ABCG8: variants seen among roughly 807,000 people sequenced by gnomAD.
The protein encoded by ABCG8 is ATP binding cassette subfamily G member 8.
ABCG8 carries 81 observed loss-of-function variants against 71.3 expected under a neutral mutation model. That is an observed-to-expected ratio of 1.14 (90% CI 0.95 to 1.37). The LOEUF is 1.37. Ranked by LOEUF, ABCG8 falls within the 40% of genes most tolerant of loss-of-function variation. The pLI, the probability that ABCG8 is intolerant of heterozygous loss-of-function variation, is 0.00. For missense variants in ABCG8, 1,119 were observed against 866.2 expected, an observed-to-expected ratio of 1.29 and a Z score of -3.66; for synonymous variants, 451 against 354.7, an observed-to-expected ratio of 1.27 and a Z score of -3.05.
rs536321546 is a variant in ABCG8 at position 43,851,897 on chromosome 2, C to T, written c.561+75C>T. 395 of 1,527,188 alleles carry T rather than the reference C, an allele frequency of 2.6e-4. 1 individual carries two copies. The highest frequency in any genetic ancestry group is 3.3e-4 in the Non-Finnish European group (371 of 1,109,530). 94.6% of individuals were successfully genotyped at this position (1,527,188 alleles called of 1,614,324 possible). On this transcript the variant is annotated intron_variant, in intron 4 of 12. Coordinates refer to ENST00000272286, the MANE Select transcript of ABCG8 (RefSeq NM_022437.3). ...TCCATGCCCCGCTCCTCCCCTGCTG[C>T]CTTGCCTCAGGACCCAGCCGCAGGT...
chr2:43,869,738 G>T (rs1236943396), intron 6 of ABCG8, among the ~76,000 whole-genome samples: 1 of 151,796 alleles, frequency 6.6e-6, no homozygotes, highest in East Asian at 1.9e-4. Context: ...TCACCATCTG[G>T]ATAGAAGTGT....
chr2:43,866,323 A>G (rs1669531337), intron 6 of ABCG8, among the ~76,000 whole-genome samples: 1 of 151,932 alleles, frequency 6.6e-6, no homozygotes, highest in Non-Finnish European at 1.5e-5. Flanking sequence ...AGCAATGGCA[A>G]CAAAAGCCAA....
At position 43,873,896 on chromosome 2, in the gene ABCG8, A is replaced by G. The variant is rs769421158; in HGVS notation, c.1321A>G (p.Ile441Val). 2 of 1,614,080 alleles carry G rather than the reference A, an allele frequency of 1.2e-6. No individual in the cohort carries two copies. Among genetic ancestry groups the G allele is most frequent in the East Asian group, 4.5e-5 (2 of 44,876 alleles). ...IGFLYFGHGS[I>V]QLSFMDTAAL... ...CTTCCTCTATTTTGGCCATGGGAGC[A>G]TCCAGCTCTCCTTCATGGATACAGC... is the stretch of plus-strand genomic sequence containing the variant. Residue 441 changes from isoleucine to valine, a missense_variant, in exon 9 of 13, where the codon ATC becomes GTC. Coordinates refer to ENST00000272286, the MANE Select transcript of ABCG8 (RefSeq NM_022437.3).
In ABCG8 at chr2:43,877,887, A is replaced by C; in HGVS notation, c.1996A>C (p.Lys666Gln). 1 of 1,614,076 alleles carries C rather than the reference A, an allele frequency of 6.2e-7. No homozygotes were observed. The highest frequency in any genetic ancestry group is 1.1e-5 in the South Asian group (1 of 91,074). The change falls in exon 13 of 13, where the codon AAA (lysine) becomes CAA (glutamine). Residue 666 changes from lysine (K) to glutamine (Q), a missense_variant. Transcript: ENST00000272286. Reference sequence around the variant, plus strand: ...GTACTACGTGTCCTTAAGGTTCATCAAACAGAAACCAAGTCAAGACTGGTG... The same window carrying C: ...GTACTACGTGTCCTTAAGGTTCATCCAACAGAAACCAAGTCAAGACTGGTG... ...VLYYVSLRFI[K>Q]QKPSQDW
At chr2:43,843,362 T>C (rs1295521734) in intron 1 of ABCG8, among the ~76,000 whole-genome samples, 1 of 152,182 alleles carries the variant, frequency 6.6e-6, no homozygotes, top group Non-Finnish European at 1.5e-5. Flanking sequence ...TACTTGTTCC[T>C]GCCTGACAGA....
intron 6 of ABCG8, among the ~76,000 whole-genome samples, chr2:43,856,456 C>T (rs1669111032): frequency 6.6e-6 from 1 of 151,742 alleles, no homozygotes; most frequent in Non-Finnish European, 1.5e-5. Context: ...CTGGATAGAA[C>T]TCTCACTATC....
intron 1 of ABCG8, among the ~76,000 whole-genome samples, chr2:43,840,588 A>G (rs1219019042): frequency 1.3e-5 from 2 of 152,238 alleles, no homozygotes; most frequent in Non-Finnish European, 2.9e-5. Context: ...GTCTAGATAT[A>G]TAAAAGTCAT....
rs781662653 is a variant in ABCG8 at position 43,872,071 on chromosome 2, C to A, written c.1060C>A (p.Arg354Ser). Residue 354 changes from arginine (R) to serine (S), a missense_variant, in exon 7 of 13, where the codon CGT becomes AGT. Transcript: ENST00000272286. ...SLAALFLEKV[R>S]DLDDFLWKAE... is the part of the protein sequence containing the mutation. Reference sequence around the variant, plus strand: ...CGCAGCCCTGTTTCTAGAAAAAGTGCGTGACTTAGATGACTTTCTATGGAA... The same window carrying A: ...CGCAGCCCTGTTTCTAGAAAAAGTGAGTGACTTAGATGACTTTCTATGGAA... 6.2e-7 allele frequency: 1 copy of A among 1,614,102 alleles called. No individual in the cohort carries two copies. The highest frequency in any genetic ancestry group is 8.5e-7 in the Non-Finnish European group (1 of 1,180,036).
At chr2:43,848,399 C>A (rs141331299) in intron 3 of ABCG8, 2 of 152,252 alleles carry the variant, frequency 1.3e-5, no homozygotes, top group East Asian at 3.9e-4. Context: ...CAGTCGGTAG[C>A]CTGTGATTGG....
intron 6 of ABCG8, among the ~76,000 whole-genome samples, chr2:43,864,868 A>C (rs79081783): frequency 7.3e-6 from 1 of 136,676 alleles, no homozygotes; most frequent in African/African-American, 2.8e-5. Flanking sequence ...GTCTATCTGG[A>C]CGGAATTCTC....
chr2:43,878,223 A>G lies in ABCG8; in HGVS notation c.*310A>G. ...ATTTATATAGGCAACTCGATATAGG[A>G]TGGGAGCAAACTAGGAATGAATTGG... is the stretch of plus-strand genomic sequence containing the variant. On this transcript the variant is annotated 3_prime_UTR_variant, in exon 13 of 13. Coordinates refer to ENST00000272286, the MANE Select transcript of ABCG8 (RefSeq NM_022437.3). The G allele has an allele frequency of 2.5e-6, 1 of 400,994 alleles. No homozygotes were observed. Among genetic ancestry groups the G allele is most frequent in the South Asian group, 2.1e-5 (1 of 47,812 alleles). The allele number at this position is 400,994 out of a possible 1,614,324, so 24.8% of individuals were successfully genotyped here.
chr2:43,854,729 G>A (rs1258498916), intron 6 of ABCG8, among the ~76,000 whole-genome samples: 6 of 152,052 alleles, frequency 3.9e-5, no homozygotes, highest in African/African-American at 1.2e-4. Context: ...TGAAGGGAGG[G>A]TGGGCAGGCA....
rs934287209 is a variant in ABCG8, at chr2:43,873,959, A to C, written c.1384A>C (p.Asn462His). 6 of 1,614,048 alleles carry C rather than the reference A, an allele frequency of 3.7e-6. No individual in the cohort carries two copies. Among genetic ancestry groups the C allele is most frequent in the Non-Finnish European group, 5.1e-6 (6 of 1,180,018 alleles). The change falls in exon 9 of 13, where the codon AAC becomes CAC. Residue 462 changes from asparagine to histidine, a missense_variant. By Grantham distance (68) the Asn-to-His change is moderately conservative (BLOSUM62 1). Transcript: ENST00000272286. ...CATGATCGGTGCTCTCATCCCTTTCAACGTCATTCTGGATGTCATCTCCAA... is the reference window on the plus strand; with the variant it reads ...CATGATCGGTGCTCTCATCCCTTTCCACGTCATTCTGGATGTCATCTCCAA... ...LFMIGALIPF[N>H]VILDVISKCY...
At chr2:43,853,997 C>A (rs1669014846) in intron 6 of ABCG8, among the ~76,000 whole-genome samples, 2 of 152,228 alleles carry the variant, frequency 1.3e-5, no homozygotes, top group Admixed American at 1.3e-4. Context: ...GTGTGTCATC[C>A]TCAGGCCAGC....
In ABCG8 at chr2:43,879,402, A is replaced by T. The variant is rs2954802; in HGVS notation, c.*1489A>T. Reference sequence around the variant, plus strand: ...ATCCCTGGGCCAGCAGAATGGGCACAGCTGGAGCTGATTGGATAGGTCCCA... The same window carrying T: ...ATCCCTGGGCCAGCAGAATGGGCACTGCTGGAGCTGATTGGATAGGTCCCA... On this transcript the variant is annotated 3_prime_UTR_variant, in exon 13 of 13. Coordinates refer to ENST00000272286, the MANE Select transcript of ABCG8 (RefSeq NM_022437.3). 8,524 of 152,362 alleles carry T rather than the reference A, an allele frequency of 0.056. 616 individuals are homozygous for T. Among genetic ancestry groups the T allele is most frequent in the East Asian group, 0.32 (1,673 of 5,176 alleles). 9.4% of individuals were successfully genotyped at this position (152,362 alleles called of 1,614,324 possible). A position where few individuals can be genotyped will look rare whatever the true frequency, so the allele number is the denominator to read the frequency against.
At chr2:43,846,451 G>C (rs755956574) in intron 3 of ABCG8, 140 bp downstream of exon 3, 43 of 1,268,008 alleles carry the variant, frequency 3.4e-5, no homozygotes, top group Non-Finnish European at 4.7e-5. Context: ...ACAGGTTCTG[G>C]GTCAGACAGA....
rs1374156723 is a variant in ABCG8, at chr2:43,843,701, C to T, written c.64-806C>T. Among the ~76,000 whole-genome samples the T allele has an allele frequency of 5.9e-5, 9 of 152,102 alleles. 2 individuals are homozygous for T. The highest frequency in any genetic ancestry group is 3.9e-4 in the Admixed American group (6 of 15,272). On this transcript the variant is annotated intron_variant, in intron 1 of 12. Coordinates refer to ENST00000272286, the MANE Select transcript of ABCG8 (RefSeq NM_022437.3). ...CTTCCTGTTGCTTCTTTGTTTGGGCCTCAATGGTTTAAATGATTGAATTGT... is the reference window on the plus strand; with the variant it reads ...CTTCCTGTTGCTTCTTTGTTTGGGCTTCAATGGTTTAAATGATTGAATTGT...
At position 43,873,862 on chromosome 2, in the gene ABCG8, G is replaced by T. The variant is rs1242656141; in HGVS notation, c.1287G>T (p.Met429Ile). The change falls in exon 9 of 13, where the codon ATG (methionine) becomes ATT (isoleucine). Residue 429 changes from methionine (M) to isoleucine (I), a missense_variant. Coordinates refer to ENST00000272286, the MANE Select transcript of ABCG8 (RefSeq NM_022437.3). ...GGGCGGAGGCCTGTCTGATGTCAATGACCATCGGCTTCCTCTATTTTGGCC... is the reference window on the plus strand; with the variant it reads ...GGGCGGAGGCCTGTCTGATGTCAATTACCATCGGCTTCCTCTATTTTGGCC... Reference protein sequence around the residue: ...IHGAEACLMSMTIGFLYFGHG... With the variant: ...IHGAEACLMSITIGFLYFGHG... 1 of 1,614,016 alleles carries T rather than the reference G, an allele frequency of 6.2e-7. No homozygotes were observed. Among genetic ancestry groups the T allele is most frequent in the African/African-American group, 1.3e-5 (1 of 74,972 alleles).
Position 43,872,443 on chromosome 2 carries a change from G to A in ABCG8, c.1211+137G>A, listed in dbSNP as rs4148218. 0.19 allele frequency: 192,386 copies of A among 1,019,048 alleles called. 19,656 individuals are homozygous for A. Among genetic ancestry groups the A allele is most frequent in the Admixed American group, 0.32 (15,810 of 49,940 alleles). The allele number at this position is 1,019,048 out of a possible 1,614,324, so 63.1% of individuals were successfully genotyped here. ...CATTTGAAAAAAACAGCATCCAGCA[G>A]GGCGTTGGTGGCTTATGCCTGTAAT... On this transcript the variant is annotated intron_variant, in intron 8 of 12. Transcript: ENST00000272286.
Sources: allele counts gnomAD v4.1 joint callset (sites outside exome capture counted in the v4.1 genomes callset), GRCh38; gene constraint gnomAD v4.1.1; transcripts MANE v1.5; gene names NCBI Gene and HGNC (gene_info 2026-07-23, HGNC 2026-07-21).